The following DYRK1A variants were observed in gnomAD, a reference collection of about 807,000 sequenced individuals.
The protein encoded by DYRK1A is dual specificity tyrosine-phosphorylation-regulated kinase 1A.
DYRK1A carries 9 observed loss-of-function variants against 79.7 expected under a neutral mutation model. The ratio of observed to expected loss-of-function variants is 0.11; its 90% confidence interval spans 0.07 to 0.20. The LOEUF (loss-of-function observed/expected upper bound fraction) is 0.20, where lower values mean the gene tolerates loss of function less well. DYRK1A is among the 10% of genes least tolerant of loss of function. The pLI is 1.00. For missense variants in DYRK1A, 622 were observed against 956.0 expected (o/e 0.65, Z 4.61); for synonymous variants, 349 against 329.7 (o/e 1.06, Z -0.63).
chr21:37,444,348 T>C (rs1246144414), intron 2 of DYRK1A, among the ~76,000 whole-genome samples: 1 of 152,084 alleles, frequency 6.6e-6, no homozygotes, highest in East Asian at 1.9e-4. Context: ...TTAAGAAAGA[T>C]CAGTAACTGC....
Position 37,512,561 on chromosome 21 carries a change from G to A in DYRK1A, c.*30G>A. On this transcript the variant is annotated 3_prime_UTR_variant, in exon 12 of 12. Coordinates refer to ENST00000647188, the MANE Select transcript of DYRK1A (RefSeq NM_001347721.2). ...ATTGAAACTTGAGTTTGTTTCTTGT[G>A]TGTTTTTATAGAAGTGGTGTTTTTT... 6.3e-7 allele frequency: 1 copy of A among 1,595,874 alleles called. No individual in the cohort carries two copies. Among genetic ancestry groups the A allele is most frequent in the Non-Finnish European group, 8.6e-7 (1 of 1,169,068 alleles).
intron 1 of DYRK1A, chr21:37,367,983 C>G (rs1432316760): frequency 1.2e-5 from 2 of 161,388 alleles, no homozygotes; most frequent in Admixed American, 6.5e-5. Flanking sequence ...ATCCTCTTCC[C>G]CCAGCTCCTC....
At chr21:37,430,381 A>G (rs1390949547) in intron 2 of DYRK1A, 1 of 985,368 alleles carries the variant, frequency 1.0e-6, no homozygotes, top group East Asian at 1.1e-4. Context: ...TCATAGGAGA[A>G]ATGTTACCAC....
intron 1 of DYRK1A, among the ~76,000 whole-genome samples, chr21:37,401,250 A>C (rs1216597123): frequency 6.6e-6 from 1 of 152,192 alleles, no homozygotes; most frequent in Non-Finnish European, 1.5e-5. Flanking sequence ...TGTGAATAAA[A>C]TATAAGCATA....
intron 1 of DYRK1A, among the ~76,000 whole-genome samples, chr21:37,394,329 CTAACTTTTGCTA>C (rs1368828780): frequency 6.7e-6 from 1 of 149,694 alleles, no homozygotes; most frequent in African/African-American, 2.5e-5. Context: ...TGGTGTATTT[CTAACTTTTGCTA>C]TAACTCCATT....
intron 2 of DYRK1A, among the ~76,000 whole-genome samples, chr21:37,452,392 G>A (rs1040401426): frequency 7.2e-5 from 11 of 152,074 alleles, no homozygotes; most frequent in African/African-American, 2.7e-4. Context: ...GTAAGAGAGC[G>A]AATAAGATTG....
chr21:37,455,280 C>G (rs1159199948), intron 2 of DYRK1A, among the ~76,000 whole-genome samples: 3 of 152,058 alleles, frequency 2.0e-5, no homozygotes, highest in Non-Finnish European at 4.4e-5. Flanking sequence ...CTCCTTGTGC[C>G]AGTTTTAATT....
At chr21:37,421,324 T>C (rs1191787169) in intron 2 of DYRK1A, among the ~76,000 whole-genome samples, 1 of 152,122 alleles carries the variant, frequency 6.6e-6, no homozygotes, top group African/African-American at 2.4e-5. Flanking sequence ...TTTTTGGCGA[T>C]CTGGGTTTTG....
intron 2 of DYRK1A, among the ~76,000 whole-genome samples, chr21:37,448,114 A>G (rs2051330118): frequency 6.6e-6 from 1 of 152,154 alleles, no homozygotes; most frequent in African/African-American, 2.4e-5. Flanking sequence ...CCTGAGGTTC[A>G]CTTGATTCCC....
At chr21:37,463,462 C>T (rs2051920402) in intron 2 of DYRK1A, among the ~76,000 whole-genome samples, 1 of 152,148 alleles carries the variant, frequency 6.6e-6, no homozygotes, top group Non-Finnish European at 1.5e-5. Context: ...TGAGCAATAG[C>T]TGTAGCCTGT....
At position 37,505,604 on chromosome 21, in the gene DYRK1A, G is replaced by T. The variant is rs1199318887; in HGVS notation, c.1519+15G>T. ...GTCAAGCTCAGGTCTGTGCTGCTGC[G>T]GTTAGATTAGGCTTGGGAATGTTTT... On this transcript the variant is annotated intron_variant, in intron 10 of 11. Transcript: ENST00000647188. 1 of 1,569,330 alleles carries T rather than the reference G, an allele frequency of 6.4e-7. No homozygotes were observed.
intron 5 of DYRK1A, among the ~76,000 whole-genome samples, chr21:37,481,874 T>G (rs1357554344): frequency 2.6e-5 from 4 of 152,064 alleles, no homozygotes; most frequent in African/African-American, 9.7e-5. Context: ...TAGGGGGATC[T>G]CTGGTTGTGG....
At chr21:37,410,560 T>C (rs914163911) in intron 1 of DYRK1A, 1 of 152,274 alleles carries the variant, frequency 6.6e-6, no homozygotes, top group African/African-American at 2.4e-5. Flanking sequence ...ACTTTCACTT[T>C]GTCACCCAGG....
intron 3 of DYRK1A, among the ~76,000 whole-genome samples, chr21:37,477,332 G>A (rs2052435511): frequency 6.6e-6 from 1 of 152,138 alleles, no homozygotes; most frequent in South Asian, 2.1e-4. Flanking sequence ...GGAAATAATT[G>A]GTTTTGAGGA....
Position 37,512,558 on chromosome 21 carries a change from T to G in DYRK1A, c.*27T>G, listed in dbSNP as rs768470079. Reference sequence around the variant, plus strand: ...TACATTGAAACTTGAGTTTGTTTCTTGTGTGTTTTTATAGAAGTGGTGTTT... The same window carrying G: ...TACATTGAAACTTGAGTTTGTTTCTGGTGTGTTTTTATAGAAGTGGTGTTT... On this transcript the variant is annotated 3_prime_UTR_variant, in exon 12 of 12. Transcript: ENST00000647188. 6 of 1,596,982 alleles carry G rather than the reference T, an allele frequency of 3.8e-6. No homozygotes were observed. The East Asian group carries it at 1.3e-4, about 36-fold the overall frequency.
intron 4 of DYRK1A, among the ~76,000 whole-genome samples, chr21:37,479,619 G>GTTTTTGTTTTGTTTTTT (rs2052550822): frequency 1.4e-5 from 1 of 73,898 alleles, no homozygotes; most frequent in East Asian, 6.3e-4. Context: ...TTTGTTTTTT[G>GTTTTTGTTTTGTTTTTT]TTTTTTTTTT....
intron 1 of DYRK1A, among the ~76,000 whole-genome samples, chr21:37,387,098 A>G (rs1261199398): frequency 6.6e-6 from 1 of 152,172 alleles, no homozygotes; most frequent in Admixed American, 6.5e-5. Flanking sequence ...TGGGTGTGCA[A>G]GTGGGTTCTG....
chr21:37,479,005 T>A (rs2052502884), intron 4 of DYRK1A, among the ~76,000 whole-genome samples: 1 of 152,252 alleles, frequency 6.6e-6, no homozygotes, highest in African/African-American at 2.4e-5. Context: ...CAAAGTTAAT[T>A]ATTAAAGGAG....
intron 2 of DYRK1A, among the ~76,000 whole-genome samples, chr21:37,455,288 A>G (rs994606988): frequency 8.6e-5 from 13 of 151,786 alleles, no homozygotes; most frequent in Admixed American, 6.6e-4. Context: ...GCCAGTTTTA[A>G]TTTTCTCAGC....
Sources: gnomAD v4.1 joint callset for allele counts (sites outside exome capture counted in the v4.1 genomes callset) on GRCh38, gnomAD v4.1.1 for gene constraint, MANE v1.5 for transcripts, NCBI Gene and HGNC (gene_info 2026-07-23, HGNC 2026-07-21) for gene names.